The following CASP2 variants were observed in gnomAD, a reference collection of about 807,000 sequenced individuals.
CASP2 encodes caspase 2, also known as caspase-2.
CASP2 carries 38 observed loss-of-function variants against 54.4 expected under a neutral mutation model. That is an observed-to-expected ratio of 0.70 (90% CI 0.54 to 0.92). The LOEUF (loss-of-function observed/expected upper bound fraction) is 0.92. CASP2 is among the 40% of genes least tolerant of loss of function. CASP2 has a pLI of 0.00. For synonymous variants in CASP2, 215 were observed against 216.3 expected, an observed-to-expected ratio of 0.99 and a Z score of 0.05; for missense variants, 512 against 579.6, an observed-to-expected ratio of 0.88 and a Z score of 1.20.
intron 9 of CASP2, 79 bp from the exon 10 acceptor site, chr7:143,304,595 G>A (rs1044750833): frequency 1.7e-5 from 17 of 980,716 alleles, no homozygotes; most frequent in Non-Finnish European, 2.5e-5. Flanking sequence ...GAGGGTGCAG[G>A]TGTCATGGCC....
rs1407168959 is a variant in CASP2 at position 143,302,851 on chromosome 7, G to A, written c.968-933G>A. Reference sequence around the variant, plus strand: ...TTGGGATACATAAGGCTTGTATCAAGAGCAAGGATCTGCTCAGGGTATGTT... The same window carrying A: ...TTGGGATACATAAGGCTTGTATCAAAAGCAAGGATCTGCTCAGGGTATGTT... On this transcript the variant is annotated intron_variant, in intron 8 of 10. Coordinates refer to ENST00000310447, the MANE Select transcript of CASP2 (RefSeq NM_032982.4). 3 of 152,182 alleles carry A rather than the reference G, an allele frequency of 2.0e-5. No homozygotes were observed. In the East Asian group the frequency reaches 5.8e-4, roughly 29 times the overall value. 9.4% of individuals were successfully genotyped at this position (152,182 alleles called of 1,614,324 possible). A position where few individuals can be genotyped will look rare whatever the true frequency, so the allele number is the denominator to read the frequency against.
intron 9 of CASP2, among the ~76,000 whole-genome samples, chr7:143,304,141 A>G (rs1156925412): frequency 6.6e-6 from 1 of 152,168 alleles, no homozygotes; most frequent in Admixed American, 6.5e-5. Context: ...TTCTAAATTT[A>G]AAACACTCCC....
At position 143,303,812 on chromosome 7, in the gene CASP2, A is replaced by C; in HGVS notation, c.996A>C (p.Gln332His). ...AGACTGATCGTGGGGTTGACCAACA[A>C]GATGGAAAGAACCACGCAGGATCCC... ...GDETDRGVDQ[Q>H]DGKNHAGSPG... The change falls in exon 9 of 11, where the codon CAA (glutamine) becomes CAC (histidine). Residue 332 changes from glutamine to histidine, a missense_variant. This residue lies in a region of CASP2 where 417 missense variants were observed against 495.4 expected (regional missense o/e 0.84). Coordinates refer to ENST00000310447, the MANE Select transcript of CASP2 (RefSeq NM_032982.4). 1.2e-6 allele frequency: 2 copies of C among 1,614,044 alleles called. No individual in the cohort carries two copies. Among genetic ancestry groups the C allele is most frequent in the Non-Finnish European group, 1.7e-6 (2 of 1,179,958 alleles).
intron 8 of CASP2, chr7:143,303,143 T>C (rs1056293061): frequency 6.6e-6 from 1 of 152,002 alleles, no homozygotes; most frequent in Non-Finnish European, 1.5e-5. Context: ...TTTTAAAAAA[T>C]AAATTAAAAA....
intron 8 of CASP2, chr7:143,303,574 T>C (rs1350425626): frequency 2.0e-6 from 1 of 500,584 alleles, no homozygotes; most frequent in East Asian, 3.6e-5. Flanking sequence ...GTGCCCGGTG[T>C]GTATGAGGCA....
rs4647287 is a variant in CASP2, at chr7:143,291,484, A to G, written c.75-56A>G. ...TTCCTATTCATGCCTCTTCCACTCC[A>G]CTCTTCTGTGTCAAATTGTGACTTG... is the stretch of plus-strand genomic sequence containing the variant. On this transcript the variant is annotated intron_variant, in intron 1 of 10. Transcript: ENST00000310447. 1,799 of 1,561,056 alleles carry G rather than the reference A, an allele frequency of 1.2e-3. 22 individuals carry two copies. In the African/African-American group the frequency reaches 0.021, roughly 18 times the overall value.
At position 143,292,473 on chromosome 7, in the gene CASP2, A is replaced by C; in HGVS notation, c.393+6A>C. On this transcript the variant is annotated splice_donor_region_variant and intron_variant, in intron 3 of 10. Transcript: ENST00000310447. ...TTCAGCATGTACTCCCACCGGTATG[A>C]AGCTTTAGTAATATGGGGTGTTGGG... The C allele has an allele frequency of 1.9e-6, 3 of 1,614,074 alleles. No individual in the cohort carries two copies. The African/African-American group carries it at 4.0e-5, about 22-fold the overall frequency.
chr7:143,298,812 TA>T (rs57792995), intron 6 of CASP2: 148 of 141,324 alleles, frequency 1.0e-3, no homozygotes, highest in Non-Finnish European at 1.1e-3. Flanking sequence ...AGATCCTGTC[TA>T]AAAAAAAAAA....
In CASP2 at chr7:143,292,706, T is replaced by A; in HGVS notation, c.475+8T>A. 1 of 1,610,226 alleles carries A rather than the reference T, an allele frequency of 6.2e-7. No individual in the cohort carries two copies. The highest frequency in any genetic ancestry group is 8.5e-7 in the Non-Finnish European group (1 of 1,178,054). ...AGCTCCGCCTGTCGACAGGTGAGAA[T>A]TGATGGACTAAAAGGGGTCCCAGGC... On this transcript the variant is annotated splice_region_variant and intron_variant, in intron 4 of 10. Transcript: ENST00000310447.
intron 9 of CASP2, 26 bp from the exon 10 acceptor site, chr7:143,304,648 T>C: frequency 1.3e-6 from 2 of 1,551,044 alleles, no homozygotes; most frequent in South Asian, 1.1e-5. Context: ...GCATTCACAC[T>C]GTGATTAATG....
At chr7:143,289,706 C>G (rs1363282225) in intron 1 of CASP2, 1 of 628,278 alleles carries the variant, frequency 1.6e-6, no homozygotes. Flanking sequence ...ACTGCTTTGA[C>G]GTATTCGAAA....
intron 8 of CASP2, chr7:143,302,954 TAAGTTTTTC>T (rs1220165555): frequency 6.6e-5 from 10 of 151,730 alleles, no homozygotes; most frequent in Non-Finnish European, 1.5e-4. Flanking sequence ...CTCCCCACTT[TAAGTTTTTC>T]CTCTTAAAAT....
chr7:143,289,785 G>C (rs567336224), intron 1 of CASP2: 10 of 183,950 alleles, frequency 5.4e-5, no homozygotes, highest in Admixed American at 1.3e-4. Flanking sequence ...TTTCCTGAAA[G>C]TCTTGGGTAA....
At chr7:143,300,407 T>G (rs757061833) in intron 8 of CASP2, 113 bp downstream of exon 8, 4 of 1,599,110 alleles carry the variant, frequency 2.5e-6, no homozygotes, top group Non-Finnish European at 3.4e-6. Context: ...GGGCACCTCC[T>G]TCTGTTCACT....
chr7:143,303,989 A>G, intron 9 of CASP2, 56 bp downstream of exon 9: 1 of 1,486,298 alleles, frequency 6.7e-7, no homozygotes, highest in Non-Finnish European at 9.2e-7. Context: ...ACTTTGCTTT[A>G]TTGTGCTTTG....
chr7:143,303,287 C>T (rs1432881920), intron 8 of CASP2: 3 of 153,290 alleles, frequency 2.0e-5, no homozygotes, highest in South Asian at 2.0e-4. Flanking sequence ...ATACATAGTT[C>T]GAGGTTGTGA....
At chr7:143,297,963 T>C (rs867868622) in intron 6 of CASP2, among the ~76,000 whole-genome samples, 13 of 152,350 alleles carry the variant, frequency 8.5e-5, no homozygotes, top group African/African-American at 2.9e-4. Context: ...ACCAGTCTCT[T>C]TATTTCTAGT....
At chr7:143,296,431 T>C (rs1445286024) in intron 6 of CASP2, among the ~76,000 whole-genome samples, 2 of 152,186 alleles carry the variant, frequency 1.3e-5, no homozygotes, top group Non-Finnish European at 2.9e-5. Flanking sequence ...AAAAATCTTC[T>C]GTCATAGCTA....
At position 143,295,050 on chromosome 7, in the gene CASP2, C is replaced by G. The variant is rs4647303; in HGVS notation, c.747+277C>G. 1.4e-3 allele frequency among the ~76,000 whole-genome samples: 201 copies of G among 148,018 alleles called. 1 individual carries two copies. Among genetic ancestry groups the G allele is most frequent in the African/African-American group, 3.7e-3 (149 of 40,076 alleles). Reference sequence around the variant, plus strand: ...TCACTTTTTTTTTTTTTTTTAAAGACAGAGTTTAGCTCTGTCACCCAGGCT... The same window carrying G: ...TCACTTTTTTTTTTTTTTTTAAAGAGAGAGTTTAGCTCTGTCACCCAGGCT... On this transcript the variant is annotated intron_variant, in intron 6 of 10. Coordinates refer to ENST00000310447, the MANE Select transcript of CASP2 (RefSeq NM_032982.4).
Sources: allele counts gnomAD v4.1 joint callset (sites outside exome capture counted in the v4.1 genomes callset), GRCh38; gene constraint gnomAD v4.1.1; regional missense constraint gnomAD v4.1.1; transcripts MANE v1.5; gene names NCBI Gene and HGNC (gene_info 2026-07-23, HGNC 2026-07-21).